Variants in CDH12 observed in about 807,000 individuals in gnomAD.
CDH12 encodes cadherin 12.
In CDH12, 41 loss-of-function variants were observed where a neutral mutation model predicts 74.1. The observed-to-expected ratio is 0.55, with a 90% confidence interval of 0.43 to 0.72. CDH12 has a LOEUF of 0.72. Ranked by LOEUF, CDH12 falls within the 30% of genes least tolerant of loss-of-function variation. CDH12 has a pLI of 0.00. For synonymous variants in CDH12, 399 were observed against 355.0 expected (o/e 1.12, Z -1.39); for missense variants, 945 against 977.2 (o/e 0.97, Z 0.44).
chr5:21,895,017 GA>G (rs36000039), intron 6 of CDH12, among the ~76,000 whole-genome samples: 24,597 of 145,964 alleles, frequency 0.17, 2,169 homozygotes, highest in African/African-American at 0.23. Context: ...CAAATAAATT[GA>G]AAAAAAAAAA....
intron 4 of CDH12, among the ~76,000 whole-genome samples, chr5:22,130,921 T>G (rs548713982): frequency 6.6e-6 from 1 of 151,762 alleles, no homozygotes; most frequent in South Asian, 2.1e-4. Context: ...AAATTTTGTA[T>G]AAGTGACATC....
intron 6 of CDH12, among the ~76,000 whole-genome samples, chr5:21,919,259 A>C (rs1754244224): frequency 1.3e-5 from 2 of 152,088 alleles, no homozygotes; most frequent in Non-Finnish European, 2.9e-5. Flanking sequence ...CATTTTCCTC[A>C]TTCAGTTCTC....
intron 1 of CDH12, among the ~76,000 whole-genome samples, chr5:22,594,991 A>G (rs1341740900): frequency 6.6e-6 from 1 of 152,212 alleles, no homozygotes; most frequent in Non-Finnish European, 1.5e-5. Flanking sequence ...CAAACATTAA[A>G]TAATTATTTC....
intron 1 of CDH12, among the ~76,000 whole-genome samples, chr5:22,528,282 G>A (rs72746606): frequency 6.6e-6 from 1 of 152,054 alleles, no homozygotes; most frequent in Admixed American, 6.6e-5. Context: ...GAGTAGGGGG[G>A]GTTGCTTCCA....
intron 3 of CDH12, among the ~76,000 whole-genome samples, chr5:22,297,095 C>G (rs2150417002): frequency 6.6e-6 from 1 of 152,102 alleles, no homozygotes; most frequent in African/African-American, 2.4e-5. Flanking sequence ...CATCTCTGCT[C>G]ACTGCAATCT....
Position 22,538,700 on chromosome 5 carries a change from A to G in CDH12, c.-522-33336T>C, listed in dbSNP as rs1188517534. Among the ~76,000 whole-genome samples the G allele has an allele frequency of 3.3e-5, 5 of 152,300 alleles. No homozygotes were observed. The East Asian group carries it at 7.7e-4, about 23-fold the overall frequency. On this transcript the variant is annotated intron_variant, in intron 1 of 14. Transcript: ENST00000382254. ...TTTTTTATTTTTAATATTTTAATTC[A>G]ACTTCAGACTGATTTTTTATAATAA...
chr5:22,825,713 C>T (rs574788357), intron 1 of CDH12, among the ~76,000 whole-genome samples: 1 of 152,150 alleles, frequency 6.6e-6, no homozygotes, highest in Non-Finnish European at 1.5e-5. Context: ...TTGGCTTGTA[C>T]TCAGAATGCA....
intron 5 of CDH12, among the ~76,000 whole-genome samples, chr5:21,975,717 T>C (rs190158582): frequency 1.3e-5 from 2 of 152,214 alleles, no homozygotes; most frequent in Admixed American, 1.3e-4. Flanking sequence ...AACCCATTTT[T>C]TTTTGAGGTG....
chr5:22,277,056 G>A (rs1736665136), intron 3 of CDH12, among the ~76,000 whole-genome samples: 3 of 152,164 alleles, frequency 2.0e-5, no homozygotes, highest in South Asian at 4.1e-4. Flanking sequence ...AGTTGTCAGA[G>A]TTTATAATCT....
At chr5:22,851,173 G>A (rs903258150) in intron 1 of CDH12, among the ~76,000 whole-genome samples, 1 of 152,072 alleles carries the variant, frequency 6.6e-6, no homozygotes, top group Non-Finnish European at 1.5e-5. Context: ...CATTCCGTGT[G>A]TGGAAGAAAT....
At chr5:22,519,807 T>C (rs940891746) in intron 1 of CDH12, among the ~76,000 whole-genome samples, 2 of 152,172 alleles carry the variant, frequency 1.3e-5, no homozygotes, top group South Asian at 4.1e-4. Context: ...AGCTAAAACA[T>C]TATTTATTTG....
intron 4 of CDH12, among the ~76,000 whole-genome samples, chr5:22,181,505 G>A (rs1234791886): frequency 6.6e-6 from 1 of 152,010 alleles, no homozygotes; most frequent in African/African-American, 2.4e-5. Flanking sequence ...GCACATTTAT[G>A]TCTAGAGTTG....
intron 4 of CDH12, among the ~76,000 whole-genome samples, chr5:22,198,380 G>A (rs1750739923): frequency 6.6e-6 from 1 of 151,868 alleles, no homozygotes; most frequent in Admixed American, 6.6e-5. Context: ...GTATAAATAT[G>A]TTACATACAT....
chr5:22,147,367 A>T (rs1487420474), intron 4 of CDH12, among the ~76,000 whole-genome samples: 1 of 152,030 alleles, frequency 6.6e-6, no homozygotes, highest in Non-Finnish European at 1.5e-5. Flanking sequence ...CAACATTAAA[A>T]TCCAAGGTAA....
At chr5:22,267,471 C>T (rs1015153309) in intron 3 of CDH12, among the ~76,000 whole-genome samples, 5 of 152,128 alleles carry the variant, frequency 3.3e-5, no homozygotes, top group African/African-American at 7.2e-5. Context: ...TTTCATGTCC[C>T]TGAATAGGAT....
intron 1 of CDH12, among the ~76,000 whole-genome samples, chr5:22,576,207 C>G (rs1301007207): frequency 6.6e-6 from 1 of 152,196 alleles, no homozygotes; most frequent in African/African-American, 2.4e-5. Context: ...TGAAGACTTT[C>G]TGGTTGCATG....
intron 5 of CDH12, among the ~76,000 whole-genome samples, chr5:22,046,518 G>T (rs1461454062): frequency 2.1e-5 from 3 of 142,264 alleles, no homozygotes. Flanking sequence ...TGCAAGCTCT[G>T]CCTCCCGGGT....
chr5:22,293,739 G>A (rs542395536), intron 3 of CDH12, among the ~76,000 whole-genome samples: 56 of 152,202 alleles, frequency 3.7e-4, no homozygotes, highest in African/African-American at 1.2e-3. Flanking sequence ...AATAAGCCAG[G>A]CACAGAAAGG....
intron 1 of CDH12, among the ~76,000 whole-genome samples, chr5:22,523,969 TTTA>T (rs199923576): frequency 1.4e-5 from 2 of 144,366 alleles, no homozygotes; most frequent in Admixed American, 6.8e-5. Context: ...GCTTCATTCA[TTTA>T]TTATTATTAT....
Sources: gnomAD v4.1 joint callset for allele counts (sites outside exome capture counted in the v4.1 genomes callset) on GRCh38, gnomAD v4.1.1 for gene constraint, MANE v1.5 for transcripts, NCBI Gene and HGNC (gene_info 2026-07-23, HGNC 2026-07-21) for gene names.